Variants in PRKG1 observed in about 807,000 individuals in gnomAD.
The protein encoded by PRKG1 is cGMP-dependent protein kinase 1.
Under a neutral mutation model 88.1 loss-of-function variants are expected in PRKG1, and 35 were observed. That is an observed-to-expected ratio of 0.40 (90% CI 0.30 to 0.53). PRKG1 has a LOEUF of 0.53. Among genes scored for constraint, PRKG1 ranks in the 20% least tolerant of loss-of-function variants. The pLI, the probability that PRKG1 is intolerant of heterozygous loss-of-function variation, is 0.59. For missense variants in PRKG1, 540 were observed against 839.8 expected (o/e 0.64, Z 4.41); for synonymous variants, 303 against 292.5 (o/e 1.04, Z -0.37).
intron 7 of PRKG1, among the ~76,000 whole-genome samples, chr10:52,093,066 A>C (rs1417721397): frequency 3.3e-5 from 5 of 152,172 alleles, no homozygotes; most frequent in Admixed American, 2.6e-4. Context: ...TGATAATCTT[A>C]GTACCCCATG....
intron 2 of PRKG1, among the ~76,000 whole-genome samples, chr10:51,187,250 G>A (rs1364586657): frequency 1.3e-5 from 2 of 151,828 alleles, no homozygotes; most frequent in East Asian, 3.9e-4. Flanking sequence ...AGCAAGGGAA[G>A]CTCCCATCTG....
intron 5 of PRKG1, among the ~76,000 whole-genome samples, chr10:52,008,530 A>T (rs150073368): frequency 3.3e-5 from 5 of 152,266 alleles, no homozygotes; most frequent in African/African-American, 1.2e-4. Flanking sequence ...TCTAGAAGAG[A>T]TGCATAAATT....
intron 2 of PRKG1, among the ~76,000 whole-genome samples, chr10:51,414,525 G>C (rs1315697587): frequency 6.6e-6 from 1 of 152,158 alleles, no homozygotes; most frequent in Non-Finnish European, 1.5e-5. Context: ...GCTCTGAATT[G>C]GAGTCATTTT....
At chr10:51,620,463 T>C (rs1351215213) in intron 3 of PRKG1, among the ~76,000 whole-genome samples, 2 of 152,028 alleles carry the variant, frequency 1.3e-5, no homozygotes, top group Non-Finnish European at 2.9e-5. Flanking sequence ...TTTGGTACAG[T>C]CCTAGGTAAT....
At chr10:51,699,820 G>A (rs1004954611) in intron 3 of PRKG1, among the ~76,000 whole-genome samples, 5 of 152,158 alleles carry the variant, frequency 3.3e-5, no homozygotes, top group African/African-American at 9.7e-5. Context: ...CTTTCTGTGG[G>A]GCCCCAACAG....
At chr10:51,727,200 G>A (rs967539370) in intron 3 of PRKG1, among the ~76,000 whole-genome samples, 1 of 151,404 alleles carries the variant, frequency 6.6e-6, no homozygotes, top group Non-Finnish European at 1.5e-5. Context: ...CAGCTATTTG[G>A]GGGGCTGAGA....
intron 3 of PRKG1, among the ~76,000 whole-genome samples, chr10:51,616,270 C>T (rs1317389973): frequency 1.3e-5 from 2 of 152,318 alleles, no homozygotes; most frequent in East Asian, 3.9e-4. Flanking sequence ...AGCAGATCCA[C>T]ATGGTTCACT....
chr10:51,414,800 C>A (rs1838193980), intron 2 of PRKG1, among the ~76,000 whole-genome samples: 1 of 152,168 alleles, frequency 6.6e-6, no homozygotes, highest in Non-Finnish European at 1.5e-5. Flanking sequence ...TCTACACTCA[C>A]ACCACATAAT....
chr10:51,781,577 T>G (rs1838590099), intron 3 of PRKG1, among the ~76,000 whole-genome samples: 2 of 152,162 alleles, frequency 1.3e-5, no homozygotes, highest in Admixed American at 6.6e-5. Flanking sequence ...CTTTTTATAC[T>G]GTTCACAGAA....
At chr10:51,126,954 A>T (rs1229550110) in intron 1 of PRKG1, among the ~76,000 whole-genome samples, 1 of 152,184 alleles carries the variant, frequency 6.6e-6, no homozygotes, top group African/African-American at 2.4e-5. Flanking sequence ...CTTGCATAAA[A>T]ATTAACTCAA....
intron 2 of PRKG1, among the ~76,000 whole-genome samples, chr10:51,163,562 G>GAGA (rs1846427459): frequency 1.3e-5 from 2 of 152,172 alleles, no homozygotes; most frequent in Non-Finnish European, 2.9e-5. Flanking sequence ...CCGCGCACCC[G>GAGA]CACCATGTGC....
chr10:51,316,748 G>A (rs1027910424), intron 2 of PRKG1, among the ~76,000 whole-genome samples: 16 of 151,628 alleles, frequency 1.1e-4, no homozygotes, highest in South Asian at 8.4e-4. Flanking sequence ...GTATTATTAC[G>A]GACGCCTTAA....
intron 3 of PRKG1, among the ~76,000 whole-genome samples, chr10:51,793,149 A>AAC (rs1439701613): frequency 3.3e-5 from 5 of 150,854 alleles, no homozygotes; most frequent in Non-Finnish European, 7.4e-5. Context: ...AAAAAAAAAA[A>AAC]AAAAAAAAAC....
At chr10:51,246,450 T>C (rs928863963) in intron 2 of PRKG1, among the ~76,000 whole-genome samples, 2 of 152,102 alleles carry the variant, frequency 1.3e-5, no homozygotes, top group Admixed American at 6.6e-5. Flanking sequence ...AACACAGGCC[T>C]ATTTTTTTTC....
rs184715033 is a variant in PRKG1, at chr10:52,062,353, A to G, written c.841-184A>G. Among the ~76,000 whole-genome samples, 14 of 152,324 alleles carry G rather than the reference A, an allele frequency of 9.2e-5. No individual in the cohort carries two copies. In the East Asian group the frequency reaches 2.5e-3, roughly 27 times the overall value. Reference sequence around the variant, plus strand: ...AAGGATAACAAAATATTTGGAGGTAAGCTCTTGTGGTTTTCCTGGGAATTT... The same window carrying G: ...AAGGATAACAAAATATTTGGAGGTAGGCTCTTGTGGTTTTCCTGGGAATTT... On this transcript the variant is annotated intron_variant, in intron 6 of 17. Transcript: ENST00000373980.
intron 2 of PRKG1, among the ~76,000 whole-genome samples, chr10:51,210,505 C>CA (rs1396570085): frequency 2.0e-5 from 3 of 152,070 alleles, no homozygotes; most frequent in African/African-American, 7.2e-5. Flanking sequence ...AAAAACCCTT[C>CA]AAAAAATCAA....
chr10:52,272,592 G>A (rs1841760138), intron 12 of PRKG1, 111 bp downstream of exon 12: 1 of 764,476 alleles, frequency 1.3e-6, no homozygotes, highest in Non-Finnish European at 2.1e-6. Context: ...ATTTACACAT[G>A]CTTATATTTC....
intron 2 of PRKG1, among the ~76,000 whole-genome samples, chr10:51,380,434 TTTTG>T (rs1236128879): frequency 2.0e-5 from 3 of 152,138 alleles, no homozygotes; most frequent in African/African-American, 7.2e-5. Flanking sequence ...TTTGTTTCTA[TTTTG>T]TTTATTTCTC....
At chr10:51,564,098 G>A (rs1837537996) in intron 3 of PRKG1, among the ~76,000 whole-genome samples, 2 of 151,840 alleles carry the variant, frequency 1.3e-5, no homozygotes, top group Non-Finnish European at 2.9e-5. Flanking sequence ...ATTATATTCT[G>A]TTTTCATCAT....
Sources: allele counts gnomAD v4.1 joint callset (sites outside exome capture counted in the v4.1 genomes callset), GRCh38; gene constraint gnomAD v4.1.1; transcripts MANE v1.5; gene names NCBI Gene and HGNC (gene_info 2026-07-23, HGNC 2026-07-21).